The following XKR4 variants were observed in gnomAD, a reference collection of about 807,000 sequenced individuals.
XKR4 encodes the protein XK-related protein 4.
In XKR4, 12 loss-of-function variants were observed where a neutral mutation model predicts 53.9. The ratio of observed to expected loss-of-function variants is 0.22; its 90% CI spans 0.14 to 0.36. The LOEUF (loss-of-function observed/expected upper bound fraction) is 0.36. Among genes scored for constraint, XKR4 ranks in the 10% least tolerant of loss-of-function variants. XKR4 has a pLI of 1.00. For missense variants in XKR4, 799 were observed against 859.5 expected (o/e 0.93, Z 0.88); for synonymous variants, 354 against 362.4 (o/e 0.98, Z 0.26).
At chr8:55,229,342 A>G (rs1329746321) in intron 1 of XKR4, among the ~76,000 whole-genome samples, 4 of 152,254 alleles carry the variant, frequency 2.6e-5, no homozygotes. Context: ...GACAGCTGGG[A>G]GACGCAGAGC....
At chr8:55,436,592 CT>C in intron 2 of XKR4, among the ~76,000 whole-genome samples, 1 of 152,146 alleles carries the variant, frequency 6.6e-6, no homozygotes, top group Admixed American at 6.6e-5. Flanking sequence ...TCAAAGAGGA[CT>C]TTTCTTCCTG....
chr8:55,435,936 T>C (rs929187606), intron 2 of XKR4, among the ~76,000 whole-genome samples: 7 of 152,128 alleles, frequency 4.6e-5, no homozygotes, highest in African/African-American at 1.7e-4. Flanking sequence ...TAGTGTTCCA[T>C]CTGAAGACGG....
chr8:55,107,978 A>C (rs752936230), intron 1 of XKR4, among the ~76,000 whole-genome samples: 5 of 152,230 alleles, frequency 3.3e-5, no homozygotes, highest in Non-Finnish European at 1.5e-5. Context: ...ATTTCAAGGA[A>C]TCTACTCTCT....
intron 1 of XKR4, among the ~76,000 whole-genome samples, chr8:55,321,036 G>A (rs970069555): frequency 3.3e-5 from 5 of 151,988 alleles, no homozygotes; most frequent in African/African-American, 2.4e-5. Flanking sequence ...CACCACACCT[G>A]CATCTTATCT....
intron 1 of XKR4, among the ~76,000 whole-genome samples, chr8:55,308,182 G>A (rs927473471): frequency 1.3e-5 from 2 of 152,140 alleles, no homozygotes; most frequent in Non-Finnish European, 2.9e-5. Flanking sequence ...GAACCCGGGA[G>A]GCATAGGTTG....
At chr8:55,390,423 A>C (rs531993521) in intron 2 of XKR4, among the ~76,000 whole-genome samples, 1 of 152,366 alleles carries the variant, frequency 6.6e-6, no homozygotes, top group South Asian at 2.1e-4. Flanking sequence ...TTTACAAAGT[A>C]AATGCTGCAT....
At chr8:55,345,012 G>A (rs537597622) in intron 1 of XKR4, among the ~76,000 whole-genome samples, 1 of 152,284 alleles carries the variant, frequency 6.6e-6, no homozygotes, top group Admixed American at 6.5e-5. Flanking sequence ...CACTTTGGGA[G>A]GCCAAGGTGG....
chr8:55,257,514 C>T (rs1274898191), intron 1 of XKR4, among the ~76,000 whole-genome samples: 1 of 151,954 alleles, frequency 6.6e-6, no homozygotes, highest in Non-Finnish European at 1.5e-5. Context: ...AGTTCCTGCT[C>T]CTGGGAATTT....
chr8:55,332,762 C>T (rs1487944996), intron 1 of XKR4, among the ~76,000 whole-genome samples: 1 of 151,868 alleles, frequency 6.6e-6, no homozygotes, highest in East Asian at 1.9e-4. Flanking sequence ...ACGTATCTTT[C>T]CTGAAATTCA....
intron 1 of XKR4, among the ~76,000 whole-genome samples, chr8:55,173,118 CT>C (rs1426940545): frequency 2.0e-5 from 3 of 152,280 alleles, no homozygotes; most frequent in East Asian, 1.9e-4. Flanking sequence ...ATGCTCACCC[CT>C]GGGAGCTGTC....
At chr8:55,463,257 C>A (rs1484329114) in intron 2 of XKR4, among the ~76,000 whole-genome samples, 1 of 152,024 alleles carries the variant, frequency 6.6e-6, no homozygotes, top group Non-Finnish European at 1.5e-5. Flanking sequence ...TAAAAGAACA[C>A]AAATTATAAC....
At chr8:55,447,422 C>T (rs1335101993) in intron 2 of XKR4, among the ~76,000 whole-genome samples, 2 of 152,136 alleles carry the variant, frequency 1.3e-5, no homozygotes, top group African/African-American at 2.4e-5. Context: ...GAAGATAACA[C>T]ACACAGACTA....
At chr8:55,369,735 C>T (rs2129385935) in intron 2 of XKR4, among the ~76,000 whole-genome samples, 1 of 152,038 alleles carries the variant, frequency 6.6e-6, no homozygotes, top group South Asian at 2.1e-4. Flanking sequence ...AATAATACAT[C>T]ACAAACATAT....
rs146814522 is a variant in XKR4, at chr8:55,541,602, G to C, written c.*17375G>C. 1 of 152,188 alleles carries C rather than the reference G, an allele frequency of 6.6e-6. No homozygotes were observed. The highest frequency in any genetic ancestry group is 1.5e-5 in the Non-Finnish European group (1 of 68,048). 9.4% of individuals were successfully genotyped at this position (152,188 alleles called of 1,614,324 possible). ...ACCCCACGAGTGTGCGTAGGGAACG[G>C]TGTAGACATTTCCCCCAGTATGAGC... On this transcript the variant is annotated 3_prime_UTR_variant, in exon 3 of 3. Transcript: ENST00000327381.
intron 1 of XKR4, among the ~76,000 whole-genome samples, chr8:55,218,852 G>A (rs955863238): frequency 6.6e-5 from 10 of 152,078 alleles, no homozygotes; most frequent in Non-Finnish European, 1.3e-4. Context: ...ATCATTACTC[G>A]GCTTATGAAG....
In XKR4 at chr8:55,523,427, G is replaced by A. The variant is rs751411350; in HGVS notation, c.1153G>A (p.Ala385Thr). 9 of 1,614,056 alleles carry A rather than the reference G, an allele frequency of 5.6e-6. No individual in the cohort carries two copies. Among genetic ancestry groups the A allele is most frequent in the African/African-American group, 1.3e-5 (1 of 74,926 alleles). The stretch of plus-strand genomic sequence containing the variant: ...CTGCTGGCACTTCTTCACCATCGCC[G>A]CCAGGGTCATCACGTTTGCCCTCTT... The part of the protein sequence containing the change: ...QFCWHFFTIA[A>T]RVITFALFAS... The change falls in exon 3 of 3, where the codon GCC (alanine) becomes ACC (threonine). Residue 385 changes from alanine to threonine, a missense_variant. Coordinates refer to ENST00000327381, the MANE Select transcript of XKR4 (RefSeq NM_052898.2).
intron 1 of XKR4, among the ~76,000 whole-genome samples, chr8:55,136,066 G>T (rs553657040): frequency 2.0e-5 from 3 of 152,010 alleles, no homozygotes; most frequent in African/African-American, 7.2e-5. Context: ...GCTAATTTTT[G>T]TATTTTTAGT....
intron 1 of XKR4, among the ~76,000 whole-genome samples, chr8:55,341,896 C>CTCATAGTA (rs1260407721): frequency 6.6e-6 from 1 of 152,024 alleles, no homozygotes; most frequent in Non-Finnish European, 1.5e-5. Flanking sequence ...TAAGGATGCA[C>CTCATAGTA]AGGAAGACAT....
At chr8:55,222,631 A>C (rs1265129565) in intron 1 of XKR4, among the ~76,000 whole-genome samples, 1 of 152,200 alleles carries the variant, frequency 6.6e-6, no homozygotes, top group Non-Finnish European at 1.5e-5. Flanking sequence ...CTTCAAAATG[A>C]AAGATCCATA....
Sources: allele counts gnomAD v4.1 joint callset (sites outside exome capture counted in the v4.1 genomes callset), GRCh38; gene constraint gnomAD v4.1.1; transcripts MANE v1.5; gene names NCBI Gene and HGNC (gene_info 2026-07-23, HGNC 2026-07-21).